STK24: variants seen among roughly 807,000 people sequenced by gnomAD.
STK24 encodes the protein serine/threonine-protein kinase 24.
A neutral mutation model predicts 55.6 loss-of-function variants in STK24; 21 were observed. The observed-to-expected ratio is 0.38, with a 90% CI of 0.27 to 0.54. The LOEUF is 0.54. Among genes scored for constraint, STK24 ranks in the 20% least tolerant of loss-of-function variants. The pLI is 0.79. For synonymous variants in STK24, 200 were observed against 215.2 expected (o/e 0.93, Z 0.62); for missense variants, 383 against 538.4 (o/e 0.71, Z 2.86).
chr13:98,545,262 G>A (rs758990032), intron 1 of STK24, among the ~76,000 whole-genome samples: 2 of 152,318 alleles, frequency 1.3e-5, no homozygotes, highest in East Asian at 3.9e-4. Flanking sequence ...CACTGTCCCA[G>A]TTGTTAGCAA....
chr13:98,550,050 C>A (rs1897121816), intron 1 of STK24, among the ~76,000 whole-genome samples: 1 of 152,224 alleles, frequency 6.6e-6, no homozygotes, highest in Non-Finnish European at 1.5e-5. Context: ...CTGCAGCATA[C>A]TACTAGCTCA....
intron 2 of STK24, among the ~76,000 whole-genome samples, chr13:98,501,046 G>A (rs1360511123): frequency 6.6e-6 from 1 of 151,688 alleles, no homozygotes; most frequent in African/African-American, 2.4e-5. Context: ...ATATAAGGGG[G>A]AAAAAAAGGG....
intron 1 of STK24, among the ~76,000 whole-genome samples, chr13:98,537,122 C>T (rs562583775): frequency 3.3e-5 from 5 of 152,274 alleles, no homozygotes; most frequent in African/African-American, 1.2e-4. Context: ...CTCAAGCCAG[C>T]GTTCTTCAGC....
intron 3 of STK24, among the ~76,000 whole-genome samples, chr13:98,476,803 G>A (rs995502879): frequency 3.9e-5 from 6 of 152,200 alleles, no homozygotes; most frequent in Non-Finnish European, 7.3e-5. Context: ...AGCAATCCCA[G>A]GGTCAGGGCC....
chr13:98,507,064 C>A (rs1011266842), intron 2 of STK24, among the ~76,000 whole-genome samples: 1 of 152,218 alleles, frequency 6.6e-6, no homozygotes, highest in Non-Finnish European at 1.5e-5. Flanking sequence ...TGCAGCTGGG[C>A]GGGAGAGCCA....
intron 2 of STK24, among the ~76,000 whole-genome samples, chr13:98,513,260 C>T (rs1895946684): frequency 6.6e-6 from 1 of 152,214 alleles, no homozygotes; most frequent in South Asian, 2.1e-4. Flanking sequence ...CCAAAATGCC[C>T]TTTGGGATAT....
chr13:98,539,913 A>G (rs1041336039), intron 1 of STK24, among the ~76,000 whole-genome samples: 6 of 152,210 alleles, frequency 3.9e-5, no homozygotes, highest in African/African-American at 1.4e-4. Flanking sequence ...ACACACACAC[A>G]GATGTTCACA....
chr13:98,521,868 G>A lies in STK24; in HGVS notation c.43-2395C>T, dbSNP rs752034946. The A allele has an allele frequency of 7.2e-6, 6 of 830,834 alleles. No homozygotes were observed. In the South Asian group the frequency reaches 7.9e-5, roughly 11 times the overall value. The allele number at this position is 830,834 out of a possible 1,614,324, so 51.5% of individuals were successfully genotyped here. On this transcript the variant is annotated intron_variant, in intron 1 of 10. Transcript: ENST00000539966. ...TGGAGTCCATCCTTCTCTCCTCCAG[G>A]ATAAGGCTTCGTCAGTAACCCCCTT...
intron 2 of STK24, among the ~76,000 whole-genome samples, chr13:98,487,604 C>T (rs1464981022): frequency 6.6e-6 from 1 of 152,168 alleles, no homozygotes; most frequent in African/African-American, 2.4e-5. Context: ...CTTTACCCCC[C>T]TTTTACCCAA....
intron 1 of STK24, among the ~76,000 whole-genome samples, chr13:98,542,432 C>T (rs1396050736): frequency 6.6e-6 from 1 of 152,150 alleles, no homozygotes; most frequent in Non-Finnish European, 1.5e-5. Flanking sequence ...TTCCAACTTC[C>T]TCCCAGCTCT....
chr13:98,534,011 C>T (rs1191438814), intron 1 of STK24, among the ~76,000 whole-genome samples: 3 of 152,236 alleles, frequency 2.0e-5, no homozygotes, highest in African/African-American at 4.8e-5. Context: ...CCTAGTCTGC[C>T]GACGCCTACC....
At chr13:98,576,325 A>C (rs1207523522) in intron 1 of STK24, 2 of 692,808 alleles carry the variant, frequency 2.9e-6, no homozygotes, top group Non-Finnish European at 1.8e-6. Context: ...AGCCTGGGGG[A>C]CGCGTCCTGG....
chr13:98,493,575 G>A (rs2139327982), intron 2 of STK24, among the ~76,000 whole-genome samples: 1 of 152,218 alleles, frequency 6.6e-6, no homozygotes, highest in African/African-American at 2.4e-5. Context: ...TAAGTTCCAT[G>A]CCATCATCTT....
chr13:98,476,240 G>GCCCCCCCCC (rs138129188), intron 3 of STK24, among the ~76,000 whole-genome samples: 46 of 141,592 alleles, frequency 3.2e-4, no homozygotes, highest in East Asian at 6.1e-4. Context: ...CAGACGGGAA[G>GCCCCCCCCC]CCCCCCCCCG....
rs1052557309 is a variant in STK24 at position 98,451,586 on chromosome 13, C to T, written c.*1587G>A. On this transcript the variant is annotated 3_prime_UTR_variant, in exon 11 of 11. Transcript: ENST00000539966. ...TCTGTAGCTCAGGGCTCTGTCCCCT[C>T]CCTATAGCTTAGAGGCCACTAGACC... 7 of 152,172 alleles carry T rather than the reference C, an allele frequency of 4.6e-5. No homozygotes were observed. The highest frequency in any genetic ancestry group is 1.4e-4 in the African/African-American group (6 of 41,428). The allele number at this position is 152,172 out of a possible 1,614,324, so 9.4% of individuals were successfully genotyped here.
At chr13:98,541,037 C>A (rs193115316) in intron 1 of STK24, among the ~76,000 whole-genome samples, 1 of 152,132 alleles carries the variant, frequency 6.6e-6, no homozygotes, top group African/African-American at 2.4e-5. Context: ...TACCCCAGCA[C>A]CTGGACGCAT....
At chr13:98,509,274 TGAAA>T (rs1323380214) in intron 2 of STK24, among the ~76,000 whole-genome samples, 3 of 152,112 alleles carry the variant, frequency 2.0e-5, no homozygotes, top group African/African-American at 7.2e-5. Context: ...AAGAGATTGG[TGAAA>T]GAAAGTTTTA....
At chr13:98,462,721 C>T (rs1400458165) in intron 7 of STK24, among the ~76,000 whole-genome samples, 3 of 152,162 alleles carry the variant, frequency 2.0e-5, no homozygotes, top group Admixed American at 6.5e-5. Flanking sequence ...CTCCACACCT[C>T]GGTGCCACTT....
intron 1 of STK24, among the ~76,000 whole-genome samples, chr13:98,574,924 G>A (rs140602517): frequency 4.8e-4 from 73 of 151,676 alleles, no homozygotes; most frequent in African/African-American, 1.7e-3. Context: ...CTGACTTCAC[G>A]GCACCAGCCA....
Sources: gnomAD v4.1 joint callset for allele counts (sites outside exome capture counted in the v4.1 genomes callset) on GRCh38, gnomAD v4.1.1 for gene constraint, MANE v1.5 for transcripts, NCBI Gene and HGNC (gene_info 2026-07-23, HGNC 2026-07-21) for gene names.